ARFGEF2: variants seen among roughly 807,000 people sequenced by gnomAD.
ARFGEF2 encodes the protein brefeldin A-inhibited guanine nucleotide-exchange protein 2.
In ARFGEF2, 74 loss-of-function variants were observed where a neutral mutation model predicts 219.9. The ratio of observed to expected loss-of-function variants is 0.34; its 90% CI spans 0.28 to 0.41. The LOEUF is 0.41. Ranked by LOEUF, ARFGEF2 falls within the 10% of genes least tolerant of loss-of-function variation. ARFGEF2 has a pLI of 1.00. For missense variants in ARFGEF2, 1,743 were observed against 2,218.3 expected (o/e 0.79, Z 4.30); for synonymous variants, 733 against 799.2 (o/e 0.92, Z 1.40).
chr20:48,969,377 T>C, intron 9 of ARFGEF2, 100 bp downstream of exon 9: 2 of 1,605,358 alleles, frequency 1.2e-6, no homozygotes, highest in South Asian at 2.2e-5. Flanking sequence ...TTCAGTGTCA[T>C]GTCTCTTTGT....
At chr20:48,999,114 T>A (rs2091409154) in intron 25 of ARFGEF2, 1 of 344,516 alleles carries the variant, frequency 2.9e-6, no homozygotes, top group Admixed American at 4.3e-5. Context: ...GGTGTGCACC[T>A]GTAATCCCAG....
intron 3 of ARFGEF2, among the ~76,000 whole-genome samples, chr20:48,946,372 C>T (rs2091026725): frequency 6.6e-6 from 1 of 152,096 alleles, no homozygotes. Context: ...AGCATTTGGT[C>T]TGCTACACGC....
intron 26 of ARFGEF2, among the ~76,000 whole-genome samples, chr20:49,007,654 G>A (rs1420434913): frequency 1.3e-5 from 2 of 150,206 alleles, no homozygotes; most frequent in Non-Finnish European, 3.0e-5. Context: ...GCCAGAGCAG[G>A]CTGTTAGGGT....
chr20:49,000,572 T>C (rs998690873), intron 25 of ARFGEF2, among the ~76,000 whole-genome samples: 1 of 152,196 alleles, frequency 6.6e-6, no homozygotes, highest in Non-Finnish European at 1.5e-5. Context: ...AAATTCCTAA[T>C]TGGACCAATT....
intron 22 of ARFGEF2, 41 bp from the exon 23 acceptor site, chr20:48,995,742 C>G (rs759241848): frequency 1.3e-6 from 2 of 1,544,488 alleles, no homozygotes; most frequent in Non-Finnish European, 1.8e-6. Flanking sequence ...AAATACTTGA[C>G]TGTTTTTGAA....
At position 49,031,945 on chromosome 20, in the gene ARFGEF2, A is replaced by G. The variant is rs969527260; in HGVS notation, c.5064-104A>G. 1.2e-5 allele frequency: 11 copies of G among 940,610 alleles called. No individual in the cohort carries two copies. The Admixed American group carries it at 1.5e-4, about 13-fold the overall frequency. 58.3% of individuals were successfully genotyped at this position (940,610 alleles called of 1,614,324 possible). ...AAAAAAAAAAGTAATTAAAAAAAACATGTTAAAATAATTTTAAAAATAGCA... is the reference window on the plus strand; with the variant it reads ...AAAAAAAAAAGTAATTAAAAAAAACGTGTTAAAATAATTTTAAAAATAGCA... On this transcript the variant is annotated intron_variant, in intron 37 of 38. Coordinates refer to ENST00000371917, the MANE Select transcript of ARFGEF2 (RefSeq NM_006420.3).
chr20:48,923,869 G>T (rs1426107627), intron 1 of ARFGEF2, among the ~76,000 whole-genome samples: 3 of 152,078 alleles, frequency 2.0e-5, no homozygotes, highest in Non-Finnish European at 4.4e-5. Context: ...AGATATTTTC[G>T]GATCGTATCT....
intron 21 of ARFGEF2, among the ~76,000 whole-genome samples, chr20:48,991,831 G>A (rs1168183103): frequency 6.6e-6 from 1 of 152,042 alleles, no homozygotes; most frequent in Non-Finnish European, 1.5e-5. Context: ...TTAAAATAAT[G>A]TTGTGGAAAA....
intron 1 of ARFGEF2, among the ~76,000 whole-genome samples, chr20:48,928,731 T>G (rs1459567049): frequency 6.6e-6 from 1 of 151,900 alleles, no homozygotes; most frequent in Non-Finnish European, 1.5e-5. Flanking sequence ...CCTGACCTCG[T>G]GATCTGCCCG....
intron 6 of ARFGEF2, among the ~76,000 whole-genome samples, chr20:48,961,496 C>T (rs1184596152): frequency 6.7e-6 from 1 of 149,044 alleles, no homozygotes; most frequent in African/African-American, 2.4e-5. Context: ...TCCGGAATGC[C>T]TCCTGAACCT....
At chr20:49,018,199 A>C (rs1600550323) in intron 33 of ARFGEF2, among the ~76,000 whole-genome samples, 1 of 152,304 alleles carries the variant, frequency 6.6e-6, no homozygotes, top group East Asian at 1.9e-4. Flanking sequence ...GGGATACAGC[A>C]ACTGTCTTCT....
Position 49,005,296 on chromosome 20 carries a change from A to G in ARFGEF2, c.3584+75A>G, listed in dbSNP as rs138559371. The G allele has an allele frequency of 8.6e-4, 1,346 of 1,572,566 alleles. 10 individuals carry two copies. The African/African-American group carries it at 0.016, about 19-fold the overall frequency. On this transcript the variant is annotated intron_variant, in intron 26 of 38. Transcript: ENST00000371917. ...CCCAGAAGCCCTCCTAACACTAACC[A>G]CATGATTAATTTTTTTCCTCCCTTG...
At chr20:48,947,967 T>A (rs1052639445) in intron 3 of ARFGEF2, among the ~76,000 whole-genome samples, 2 of 152,220 alleles carry the variant, frequency 1.3e-5, no homozygotes, top group Non-Finnish European at 2.9e-5. Flanking sequence ...TCTTTTTACA[T>A]CCCAGTGAAG....
chr20:48,921,767 C>T lies in ARFGEF2; in HGVS notation c.-123C>T. Reference sequence around the variant, plus strand: ...GCGCCGTGGGGCCGAGGTGTCGCTTCCTGACGGGGCGGCGCGGACGGACGC... The same window carrying T: ...GCGCCGTGGGGCCGAGGTGTCGCTTTCTGACGGGGCGGCGCGGACGGACGC... On this transcript the variant is annotated 5_prime_UTR_variant, in exon 1 of 39. Transcript: ENST00000371917. 1 of 1,068,286 alleles carries T rather than the reference C, an allele frequency of 9.4e-7. No individual in the cohort carries two copies. 66.2% of individuals were successfully genotyped at this position (1,068,286 alleles called of 1,614,324 possible).
chr20:48,976,254 G>T, intron 14 of ARFGEF2, 55 bp downstream of exon 14: 1 of 1,598,236 alleles, frequency 6.3e-7, no homozygotes, highest in South Asian at 1.1e-5. Context: ...TATTTTCTCT[G>T]GGAACCTGGA....
intron 35 of ARFGEF2, among the ~76,000 whole-genome samples, chr20:49,023,538 TTTTTTTTTTTG>T (rs2091581218): frequency 1.7e-5 from 1 of 59,982 alleles, no homozygotes; most frequent in Admixed American, 1.3e-4. Context: ...TTTTTTTTTG[TTTTTTTTTTTG>T]TTTTTTTGAG....
chr20:49,035,412 A>G lies in ARFGEF2; in HGVS notation c.*2213A>G, dbSNP rs557378591. 6.6e-6 allele frequency: 1 copy of G among 152,376 alleles called. No individual in the cohort carries two copies. The highest frequency in any genetic ancestry group is 2.1e-4 in the South Asian group (1 of 4,832). 9.4% of individuals were successfully genotyped at this position (152,376 alleles called of 1,614,324 possible). The stretch of plus-strand genomic sequence containing the variant: ...AATGAGGCATTTGAATTGTACCAGC[A>G]ATGGACTTTTAAAAAATTGGATGTA... On this transcript the variant is annotated 3_prime_UTR_variant, in exon 39 of 39. Transcript: ENST00000371917.
At chr20:48,997,202 GTTAAA>G (rs1306370594) in intron 23 of ARFGEF2, among the ~76,000 whole-genome samples, 3 of 151,870 alleles carry the variant, frequency 2.0e-5, no homozygotes, top group African/African-American at 7.2e-5. Context: ...CCTTCTTTGT[GTTAAA>G]TAGATATTTT....
rs2091251090 is a variant in ARFGEF2, at chr20:48,974,862, C to G, written c.1762C>G (p.Gln588Glu). 6.2e-7 allele frequency: 1 copy of G among 1,613,664 alleles called. No homozygotes were observed. Among genetic ancestry groups the G allele is most frequent in the Non-Finnish European group, 8.5e-7 (1 of 1,179,798 alleles). ...AGACCTGTATGTGAATCCCAACCAC[C>G]AGACCAGCCTCGGTGAGACAGCATT... The part of the protein sequence containing the change: ...SKDLYVNPNH[Q>E]TSLGQERLTD... Residue 588 changes from glutamine (Q) to glutamate (E), a missense_variant, in exon 13 of 39, where the codon CAG becomes GAG. Physicochemically the swap from Gln to Glu is conservative, Grantham distance 29 (BLOSUM62 2). Around this residue, in one of 5 missense-constraint regions of ARFGEF2, gnomAD observed 666 missense variants for 955.4 expected, o/e 0.70. Coordinates refer to ENST00000371917, the MANE Select transcript of ARFGEF2 (RefSeq NM_006420.3).
Sources: allele counts gnomAD v4.1 joint callset (sites outside exome capture counted in the v4.1 genomes callset), GRCh38; gene constraint gnomAD v4.1.1; regional missense constraint gnomAD v4.1.1; transcripts MANE v1.5; gene names NCBI Gene and HGNC (gene_info 2026-07-23, HGNC 2026-07-21).